Variants in GSE1 observed in about 807,000 individuals in gnomAD.
GSE1 encodes genetic suppressor element 1.
Under a neutral mutation model 112.6 loss-of-function variants are expected in GSE1, and 32 were observed. The ratio of observed to expected loss-of-function variants is 0.28; its 90% CI spans 0.21 to 0.38. The LOEUF is 0.38. Among genes scored for constraint, GSE1 ranks in the 10% least tolerant of loss-of-function variants. GSE1 has a pLI of 1.00. For synonymous variants in GSE1, 1,115 were observed against 735.6 expected (o/e 1.52, Z -8.35); for missense variants, 2,348 against 1,699.2 (o/e 1.38, Z -6.71).
At chr16:85,474,218 A>G (rs2050381434) in intron 2 of GSE1, among the ~76,000 whole-genome samples, 1 of 152,050 alleles carries the variant, frequency 6.6e-6, no homozygotes. Context: ...GAAGGGGGGC[A>G]GAGGTTTGGG....
intron 1 of GSE1, among the ~76,000 whole-genome samples, chr16:85,624,657 C>T (rs945797098): frequency 1.3e-5 from 2 of 152,226 alleles, no homozygotes; most frequent in African/African-American, 2.4e-5. Flanking sequence ...CTACATGTGA[C>T]CCGGGTTGAG....
At chr16:85,232,015 C>G (rs1372347808) in intron 1 of GSE1, among the ~76,000 whole-genome samples, 1 of 152,336 alleles carries the variant, frequency 6.6e-6, no homozygotes, top group Middle Eastern at 3.4e-3. Context: ...GAGTGCCAGG[C>G]CTCAGGGGAC....
At chr16:85,469,446 T>C (rs1279122059) in intron 2 of GSE1, among the ~76,000 whole-genome samples, 1 of 152,110 alleles carries the variant, frequency 6.6e-6, no homozygotes, top group African/African-American at 2.4e-5. Flanking sequence ...GAAGAGCTTC[T>C]TGTGGGAGCG....
Position 85,191,635 on chromosome 16 carries a change from C to A in GSE1, c.2283+19828C>A, listed in dbSNP as rs112993157. 3.8e-3 allele frequency among the ~76,000 whole-genome samples: 584 copies of A among 152,290 alleles called. 1 individual carries two copies. Among genetic ancestry groups the A allele is most frequent in the African/African-American group, 0.013 (558 of 41,552 alleles). On this transcript the variant is annotated intron_variant, in intron 1 of 2. Coordinates refer to the GSE1 transcript ENST00000637419. ...GATGGAACTCTACGTGCCGCTGTGC[C>A]TCTTCTGCTCACTTCACGCCCCGGC...
chr16:85,596,721 G>A (rs907818413), intron 1 of GSE1, among the ~76,000 whole-genome samples: 1 of 152,192 alleles, frequency 6.6e-6, no homozygotes, highest in Non-Finnish European at 1.5e-5. Context: ...GGACAGTTCA[G>A]ATGGACAACG....
intron 1 of GSE1, among the ~76,000 whole-genome samples, chr16:85,623,889 C>T (rs1182074845): frequency 5.3e-5 from 8 of 152,192 alleles, no homozygotes; most frequent in South Asian, 2.1e-4. Context: ...AGCTCCTGTA[C>T]GGCCTGGTCC....
intron 2 of GSE1, among the ~76,000 whole-genome samples, chr16:85,426,638 G>C (rs2048998343): frequency 6.6e-6 from 1 of 150,846 alleles, no homozygotes; most frequent in Non-Finnish European, 1.5e-5. Flanking sequence ...TAGGTAGATG[G>C]GTAGGTGGGT....
At chr16:85,560,255 C>T (rs1598183168) in intron 1 of GSE1, among the ~76,000 whole-genome samples, 1 of 151,696 alleles carries the variant, frequency 6.6e-6, no homozygotes, top group East Asian at 1.9e-4. Flanking sequence ...CCTGCCTCAG[C>T]CTCCCAAGTA....
intron 1 of GSE1, among the ~76,000 whole-genome samples, chr16:85,558,623 G>C (rs2045354248): frequency 6.6e-6 from 1 of 152,046 alleles, no homozygotes; most frequent in African/African-American, 2.4e-5. Flanking sequence ...ATTAAGAGAG[G>C]TCAGAAGTGA....
Position 85,492,309 on chromosome 16 carries a change from C to T in GSE1, c.2464+134666C>T, listed in dbSNP as rs144069537. Reference sequence around the variant, plus strand: ...TTCTGGGGTTCCATCTCTAGCAGTTCGGGGACTCAGATTCTGTCCCCGCCA... The same window carrying T: ...TTCTGGGGTTCCATCTCTAGCAGTTTGGGGACTCAGATTCTGTCCCCGCCA... On this transcript the variant is annotated intron_variant, in intron 2 of 2. Coordinates refer to the GSE1 transcript ENST00000637419. 7.4e-3 allele frequency among the ~76,000 whole-genome samples: 1,121 copies of T among 152,234 alleles called. 13 individuals are homozygous for T. Among genetic ancestry groups the T allele is most frequent in the African/African-American group, 0.026 (1,065 of 41,550 alleles).
At chr16:85,451,329 C>G (rs1597795745) in intron 2 of GSE1, among the ~76,000 whole-genome samples, 1 of 152,328 alleles carries the variant, frequency 6.6e-6, no homozygotes, top group Admixed American at 6.5e-5. Flanking sequence ...GCTAGGATGT[C>G]ATGTAGGCGG....
intron 2 of GSE1, among the ~76,000 whole-genome samples, chr16:85,375,991 T>C (rs1394800750): frequency 6.6e-6 from 1 of 152,182 alleles, no homozygotes; most frequent in African/African-American, 2.4e-5. Flanking sequence ...CCAGCAGTTC[T>C]GAAGCTGGAA....
At chr16:85,255,198 G>A (rs1020128636) in intron 1 of GSE1, among the ~76,000 whole-genome samples, 7 of 151,922 alleles carry the variant, frequency 4.6e-5, no homozygotes, top group East Asian at 1.9e-4. Context: ...CACCCCACCC[G>A]CTCCCCAGCC....
chr16:85,385,501 C>T (rs114365579), intron 2 of GSE1, among the ~76,000 whole-genome samples: 270 of 152,192 alleles, frequency 1.8e-3, no homozygotes, highest in African/African-American at 5.9e-3. Context: ...AGCTCCTTCT[C>T]GGGGGCCCTG....
At chr16:85,300,661 G>A (rs948730393) in intron 1 of GSE1, among the ~76,000 whole-genome samples, 3 of 152,196 alleles carry the variant, frequency 2.0e-5, no homozygotes, top group South Asian at 2.1e-4. Flanking sequence ...GGAGTGGTCC[G>A]ACCACGTTTT....
intron 2 of GSE1, among the ~76,000 whole-genome samples, chr16:85,390,141 G>A (rs1178645220): frequency 6.6e-6 from 1 of 152,196 alleles, no homozygotes; most frequent in African/African-American, 2.4e-5. Flanking sequence ...CATAATAGTT[G>A]TACAAAGGGA....
chr16:85,653,634 C>T (rs574612157), intron 3 of GSE1, among the ~76,000 whole-genome samples: 19 of 152,080 alleles, frequency 1.2e-4, no homozygotes, highest in African/African-American at 2.9e-4. Flanking sequence ...GTGTGAAGGC[C>T]GGTACCCCAG....
intron 2 of GSE1, among the ~76,000 whole-genome samples, chr16:85,542,207 C>A (rs2044544683): frequency 6.6e-6 from 1 of 152,214 alleles, no homozygotes; most frequent in Non-Finnish European, 1.5e-5. Flanking sequence ...TGTGAACCCA[C>A]ATTTGGATCA....
At chr16:85,251,972 G>C (rs1243873119) in intron 1 of GSE1, among the ~76,000 whole-genome samples, 1 of 152,216 alleles carries the variant, frequency 6.6e-6, no homozygotes, top group Admixed American at 6.5e-5. Flanking sequence ...ACTGCTGTCA[G>C]CTCCATTTTA....
Sources: gnomAD v4.1 joint callset for allele counts (sites outside exome capture counted in the v4.1 genomes callset) on GRCh38, gnomAD v4.1.1 for gene constraint, MANE v1.5 for transcripts, NCBI Gene and HGNC (gene_info 2026-07-23, HGNC 2026-07-21) for gene names.